PCDHA6: variants seen among roughly 807,000 people sequenced by gnomAD.
The protein encoded by PCDHA6 is protocadherin alpha-6.
In PCDHA6, 55 loss-of-function variants were observed where a neutral mutation model predicts 60.3. The observed-to-expected ratio is 0.91, with a 90% CI of 0.73 to 1.14. The LOEUF is 1.14. Among genes scored for constraint, PCDHA6 ranks in the 50% most tolerant of loss-of-function variants. PCDHA6 has a pLI of 0.00. For missense variants in PCDHA6, 1,327 were observed against 1,256.5 expected, an observed-to-expected ratio of 1.06 and a Z score of -0.85; for synonymous variants, 652 against 557.9, an observed-to-expected ratio of 1.17 and a Z score of -2.38.
At chr5:140,850,831 G>C (rs981885351) in intron 1 of PCDHA6, 1 of 1,598,080 alleles carries the variant, frequency 6.3e-7, no homozygotes, top group Non-Finnish European at 8.6e-7. Context: ...CTTTCTCCTT[G>C]TGCTGGATCT....
At chr5:140,983,585 A>G (rs561693645) in intron 3 of PCDHA6, among the ~76,000 whole-genome samples, 18 of 152,338 alleles carry the variant, frequency 1.2e-4, no homozygotes, top group Non-Finnish European at 2.1e-4. Flanking sequence ...TATTACATCT[A>G]TTCTACATAT....
intron 1 of PCDHA6, chr5:140,868,258 G>T (rs2153230939): frequency 6.6e-6 from 1 of 151,964 alleles, no homozygotes; most frequent in East Asian, 1.9e-4. Context: ...TTCCTTTGTG[G>T]ATTCTTTTTT....
intron 1 of PCDHA6, chr5:140,968,169 G>A (rs781969621): frequency 6.8e-6 from 11 of 1,613,982 alleles, no homozygotes; most frequent in African/African-American, 1.3e-5. Context: ...AATCCACCAA[G>A]CTTCCTGGAG....
intron 3 of PCDHA6, among the ~76,000 whole-genome samples, chr5:140,982,794 CAT>C (rs1491349118): frequency 4.0e-5 from 6 of 150,946 alleles, no homozygotes; most frequent in Admixed American, 1.3e-4. Context: ...CGCATGTGTG[CAT>C]GTGTGTGTGT....
chr5:140,857,649 T>G, intron 1 of PCDHA6: 1 of 1,596,586 alleles, frequency 6.3e-7, no homozygotes, highest in Non-Finnish European at 8.6e-7. Context: ...CAGTTCCAGG[T>G]GAGCGCGCGC....
At chr5:140,946,573 A>C (rs1272286008) in intron 1 of PCDHA6, among the ~76,000 whole-genome samples, 1 of 147,140 alleles carries the variant, frequency 6.8e-6, no homozygotes, top group African/African-American at 2.6e-5. Flanking sequence ...GAATCAACTT[A>C]GGTGTTCATA....
intron 3 of PCDHA6, among the ~76,000 whole-genome samples, chr5:141,004,397 GA>G (rs2098164833): frequency 6.6e-6 from 1 of 152,188 alleles, no homozygotes; most frequent in African/African-American, 2.4e-5. Context: ...ACATGTGGAG[GA>G]GGCACCTGAC....
intron 1 of PCDHA6, among the ~76,000 whole-genome samples, chr5:140,936,136 G>A (rs1393112473): frequency 2.0e-5 from 3 of 152,184 alleles, no homozygotes; most frequent in Admixed American, 1.3e-4. Context: ...TAAGTGATCT[G>A]CCCGCCTTGG....
intron 1 of PCDHA6, chr5:140,843,767 T>A (rs2150366421): frequency 4.0e-6 from 6 of 1,487,048 alleles, no homozygotes; most frequent in African/African-American, 1.4e-5. Context: ...GAAATTGTAG[T>A]TACTTTAAAA....
In PCDHA6 at chr5:140,851,928, G is replaced by A. The variant is rs1294571099; in HGVS notation, c.2394+21443G>A. 4.1e-6 allele frequency: 4 copies of A among 965,790 alleles called. 1 individual carries two copies. In the African/African-American group the frequency reaches 7.1e-5, roughly 17 times the overall value. 59.8% of individuals were successfully genotyped at this position (965,790 alleles called of 1,614,324 possible). On this transcript the variant is annotated intron_variant, in intron 1 of 3. Coordinates refer to ENST00000529310, the MANE Select transcript of PCDHA6 (RefSeq NM_018909.4). Reference sequence around the variant, plus strand: ...AATGTCACTACATGTTATGTTTCCTGAATTGTAGTATGTGACTTTCAAAAT... The same window carrying A: ...AATGTCACTACATGTTATGTTTCCTAAATTGTAGTATGTGACTTTCAAAAT...
chr5:140,852,885 ATTT>A, intron 1 of PCDHA6: 4 of 778,030 alleles, frequency 5.1e-6, no homozygotes, highest in Non-Finnish European at 6.3e-6. Flanking sequence ...CATAAAACGT[ATTT>A]TTTTTTTTGA....
At chr5:140,929,782 A>G (rs574140858) in intron 1 of PCDHA6, 12 of 168,464 alleles carry the variant, frequency 7.1e-5, no homozygotes, top group Non-Finnish European at 1.6e-4. Context: ...AGATGTAAAA[A>G]TAAATTACAA....
At chr5:140,840,154 A>G (rs1212681369) in intron 1 of PCDHA6, among the ~76,000 whole-genome samples, 1 of 152,048 alleles carries the variant, frequency 6.6e-6, no homozygotes, top group Admixed American at 6.6e-5. Flanking sequence ...ACGTGAAAGG[A>G]GAGATGGGAT....
At position 140,978,807 on chromosome 5, in the gene PCDHA6, A is replaced by G. The variant is rs1489269679; in HGVS notation, c.2395-142A>G. 3.3e-6 allele frequency: 5 copies of G among 1,494,726 alleles called. No individual in the cohort carries two copies. In the African/African-American group the frequency reaches 4.2e-5, roughly 12 times the overall value. The allele number at this position is 1,494,726 out of a possible 1,614,324, so 92.6% of individuals were successfully genotyped here. A position where few individuals can be genotyped will look rare whatever the true frequency, so the allele number is the denominator to read the frequency against. ...AAGTGCTATATATGTAGATATCATC[A>G]TAGAGTTACACATGAAATGGCTCAT... On this transcript the variant is annotated intron_variant, in intron 1 of 3. Coordinates refer to ENST00000529310, the MANE Select transcript of PCDHA6 (RefSeq NM_018909.4).
intron 1 of PCDHA6, chr5:140,861,823 G>A (rs2047101556): frequency 1.3e-5 from 2 of 159,302 alleles, no homozygotes; most frequent in Non-Finnish European, 2.7e-5. Flanking sequence ...TTTCAGATAG[G>A]TAAGTCACTT....
chr5:140,974,419 C>T (rs998974699), intron 1 of PCDHA6, among the ~76,000 whole-genome samples: 1 of 152,208 alleles, frequency 6.6e-6, no homozygotes, highest in African/African-American at 2.4e-5. Flanking sequence ...GTTTATTTTA[C>T]TTTCCTGGTT....
rs117279546 is a variant in PCDHA6 at position 140,845,433 on chromosome 5, T to C, written c.2394+14948T>C. On this transcript the variant is annotated intron_variant, in intron 1 of 3. Coordinates refer to ENST00000529310, the MANE Select transcript of PCDHA6 (RefSeq NM_018909.4). ...TGGCAATTTATCATTTAAGTCATTT[T>C]AGTTCTGTTTTTCTTCAACTCTCTG... Among the ~76,000 whole-genome samples the C allele has an allele frequency of 1.1e-4, 16 of 149,790 alleles. No individual in the cohort carries two copies. In the East Asian group the frequency reaches 2.1e-3, roughly 20 times the overall value.
intron 1 of PCDHA6, among the ~76,000 whole-genome samples, chr5:140,895,936 G>A (rs1428112046): frequency 6.6e-6 from 1 of 151,984 alleles, no homozygotes; most frequent in Non-Finnish European, 1.5e-5. Context: ...TCAGCCTCCC[G>A]AGTAGCTGGG....
intron 1 of PCDHA6, chr5:140,830,799 G>A (rs1297330386): frequency 6.3e-6 from 1 of 158,848 alleles, no homozygotes; most frequent in African/African-American, 2.4e-5. Flanking sequence ...AATTATATGG[G>A]ATTTTCATTT....
Sources: allele counts gnomAD v4.1 joint callset (sites outside exome capture counted in the v4.1 genomes callset), GRCh38; gene constraint gnomAD v4.1.1; transcripts MANE v1.5; gene names NCBI Gene and HGNC (gene_info 2026-07-23, HGNC 2026-07-21).